CAPN2: variants seen among roughly 807,000 people sequenced by gnomAD.
CAPN2 encodes the protein calpain-2 catalytic subunit.
CAPN2 carries 92 observed loss-of-function variants against 102.3 expected under a neutral mutation model. The observed-to-expected ratio is 0.90, with a 90% CI of 0.76 to 1.07. The LOEUF (loss-of-function observed/expected upper bound fraction) is 1.07. Ranked by LOEUF, CAPN2 falls within the 50% of genes least tolerant of loss-of-function variation. The pLI, the probability that CAPN2 is intolerant of heterozygous loss-of-function variation, is 0.00. For synonymous variants in CAPN2, 340 were observed against 355.4 expected (o/e 0.96, Z 0.49); for missense variants, 800 against 909.4 (o/e 0.88, Z 1.55).
rs1472269301 is a variant in CAPN2, at chr1:223,752,868, C to T, written c.1047C>T (p.Thr349=). 1 of 1,614,124 alleles carries T rather than the reference C, an allele frequency of 6.2e-7. No individual in the cohort carries two copies. Among genetic ancestry groups the T allele is most frequent in the South Asian group, 1.1e-5 (1 of 91,080 alleles). ...GTAACCTGACCCCAGACACTCTCAC[C>T]AGCGATACCTACAAGAAGTGGAAAC... The part of the protein sequence containing the change: ...EICNLTPDTL[T]SDTYKKWKLT... The change falls in exon 9 of 21, where the codon ACC becomes ACT. Residue 349 remains threonine (T), a synonymous_variant. Coordinates refer to ENST00000295006, the MANE Select transcript of CAPN2 (RefSeq NM_001748.5).
rs754663998 is a variant in CAPN2 at position 223,744,159 on chromosome 1, C to A, written c.367C>A (p.Arg123=). 2.0e-5 allele frequency: 33 copies of A among 1,613,998 alleles called. 1 individual carries two copies. Among genetic ancestry groups the A allele is most frequent in the South Asian group, 1.2e-4 (11 of 91,086 alleles). Residue 123 remains arginine (R), a synonymous_variant, in exon 3 of 21, where the codon CGA becomes AGA. Transcript: ENST00000295006. ...CACCTTGAATGAAGAAATCCTGGCT[C>A]GAGTCGTCCCCCTAAACCAGAGCTT... ...SLTLNEEILA[R]VVPLNQSFQE...
chr1:223,765,106 G>C (rs1291393122), intron 15 of CAPN2, among the ~76,000 whole-genome samples: 1 of 152,246 alleles, frequency 6.6e-6, no homozygotes, highest in Non-Finnish European at 1.5e-5. Context: ...ATCTGCATCA[G>C]AGACAAATGC....
intron 15 of CAPN2, 57 bp from the exon 16 acceptor site, chr1:223,766,310 T>A: frequency 1.6e-6 from 2 of 1,280,070 alleles, no homozygotes; most frequent in Non-Finnish European, 2.3e-6. Flanking sequence ...TTGTGGAAAG[T>A]TCAGTTGGAC....
At chr1:223,763,917 C>T (rs928323971) in intron 14 of CAPN2, among the ~76,000 whole-genome samples, 2 of 152,114 alleles carry the variant, frequency 1.3e-5, no homozygotes, top group African/African-American at 4.8e-5. Context: ...TCCAGCCCAG[C>T]CTGGGTGTTC....
At chr1:223,743,556 A>G (rs1331259949) in intron 2 of CAPN2, among the ~76,000 whole-genome samples, 1 of 152,122 alleles carries the variant, frequency 6.6e-6, no homozygotes, top group Non-Finnish European at 1.5e-5. Flanking sequence ...CAGTGGTGCA[A>G]TCATGGCTCA....
At chr1:223,743,978 A>G in intron 2 of CAPN2, 122 bp from the exon 3 acceptor site, 2 of 715,828 alleles carry the variant, frequency 2.8e-6, no homozygotes, top group Non-Finnish European at 5.0e-6. Context: ...ACTGCCTGAA[A>G]CTTCACTCTG....
chr1:223,772,269 A>G, intron 20 of CAPN2, 30 bp downstream of exon 20: 1 of 1,600,900 alleles, frequency 6.2e-7, no homozygotes, highest in Non-Finnish European at 8.6e-7. Context: ...CTTGCTTCTA[A>G]GGGGATGGGG....
rs767017868 is a variant in CAPN2 at position 223,712,696 on chromosome 1, G to T, written c.56G>T (p.Gly19Val). The T allele has an allele frequency of 6.4e-7, 1 of 1,573,922 alleles. No homozygotes were observed. The highest frequency in any genetic ancestry group is 8.6e-7 in the Non-Finnish European group (1 of 1,162,782). The stretch of plus-strand genomic sequence containing the variant: ...GACCGGGAGGCGGCCGAGGGGCTGG[G>T]CTCCCACGACAGGGCCATCAAGTAC... The part of the protein sequence containing the change: ...AKDREAAEGL[G>V]SHDRAIKYLN... Residue 19 changes from glycine (G) to valine (V), a missense_variant, in exon 1 of 21, where the codon GGC (glycine) becomes GTC (valine). Physicochemically the swap from Gly to Val is moderately radical, Grantham distance 109. Coordinates refer to ENST00000295006, the MANE Select transcript of CAPN2 (RefSeq NM_001748.5).
rs1660327234 is a variant in CAPN2 at position 223,731,254 on chromosome 1, A to G, written c.308-12846A>G. Among the ~76,000 whole-genome samples the G allele has an allele frequency of 6.6e-6, 1 of 152,144 alleles. No individual in the cohort carries two copies. The highest frequency in any genetic ancestry group is 2.1e-4 in the South Asian group (1 of 4,826). ...TGCAGAAGGGGAAAGGAAGAGAAGG[A>G]AGTTTGGCTTAAATTCCCTTAGGAG... On this transcript the variant is annotated intron_variant, in intron 2 of 20. Coordinates refer to ENST00000295006, the MANE Select transcript of CAPN2 (RefSeq NM_001748.5). The surrounding 1 kb of genome is among the most constrained non-coding windows in gnomAD (Gnocchi z 4.2).
chr1:223,775,002 T>C lies in CAPN2; in HGVS notation c.*145T>C. 8 of 708,316 alleles carry C rather than the reference T, an allele frequency of 1.1e-5. No individual in the cohort carries two copies. The highest frequency in any genetic ancestry group is 2.0e-5 in the Non-Finnish European group (8 of 409,270). The allele number at this position is 708,316 out of a possible 1,614,324, so 43.9% of individuals were successfully genotyped here. ...TGATCATAGCTGAAAATAATGATAC[T>C]GTCAATTTGAGATAGCAGAAGTTTC... On this transcript the variant is annotated 3_prime_UTR_variant, in exon 21 of 21. Transcript: ENST00000295006.
chr1:223,712,415 G>C (rs1659752020), upstream of CAPN2: 5 of 1,074,648 alleles, frequency 4.7e-6, no homozygotes, highest in Non-Finnish European at 5.6e-6. Flanking sequence ...CCCGGCGCTC[G>C]GCAGGCCGCA....
chr1:223,705,789 A>G (rs1659591248), intron 1 of CAPN2, among the ~76,000 whole-genome samples: 2 of 152,226 alleles, frequency 1.3e-5, no homozygotes, highest in South Asian at 4.1e-4. Flanking sequence ...TGCCTGTAGA[A>G]GAAAGGGGCC....
intron 7 of CAPN2, 89 bp downstream of exon 7, chr1:223,751,064 A>T: frequency 8.8e-7 from 1 of 1,142,002 alleles, no homozygotes. Flanking sequence ...AGACATGTGC[A>T]TTATTCTGAG....
rs540037619 is a variant in CAPN2 at position 223,722,866 on chromosome 1, C to T, written c.307+5035C>T. Among the ~76,000 whole-genome samples the T allele has an allele frequency of 5.3e-5, 8 of 152,248 alleles. No homozygotes were observed. In the East Asian group the frequency reaches 5.8e-4, roughly 11 times the overall value. Reference sequence around the variant, plus strand: ...TTCCCCTAAGGTTCTTTCTCTATTCCGGGATCCCATCCAGGACCCCACGTT... The same window carrying T: ...TTCCCCTAAGGTTCTTTCTCTATTCTGGGATCCCATCCAGGACCCCACGTT... On this transcript the variant is annotated intron_variant, in intron 2 of 20. Transcript: ENST00000295006.
At chr1:223,737,706 GC>G (rs375136591) in intron 2 of CAPN2, among the ~76,000 whole-genome samples, 1,260 of 25,658 alleles carry the variant, frequency 0.049, 87 homozygotes, top group Non-Finnish European at 0.076. Context: ...AAGAGACGGG[GC>G]GGGGGGTGGG....
At chr1:223,741,468 A>ATATTTT (rs71166282) in intron 2 of CAPN2, among the ~76,000 whole-genome samples, 36 of 138,356 alleles carry the variant, frequency 2.6e-4, no homozygotes, top group Non-Finnish European at 2.6e-4. Context: ...ATATATATAT[A>ATATTTT]TTTGAGAGGG....
chr1:223,771,927 T>TA lies in CAPN2; in HGVS notation c.2020+4dup. Reference sequence around the variant, plus strand: ...TGGTTCGGCTGGAAACGCTATTCAGTAAGTGGATATTTGGGGAATGACTCA... The same window carrying TA: ...TGGTTCGGCTGGAAACGCTATTCAGTAAAGTGGATATTTGGGGAATGACTCA... On this transcript the variant is annotated splice_region_variant and intron_variant, in intron 19 of 20. Coordinates refer to ENST00000295006, the MANE Select transcript of CAPN2 (RefSeq NM_001748.5). The TA allele has an allele frequency of 6.3e-7, 1 of 1,591,848 alleles. No individual in the cohort carries two copies. The highest frequency in any genetic ancestry group is 1.1e-5 in the South Asian group (1 of 90,612).
chr1:223,750,958 A>G lies in CAPN2; in HGVS notation c.882A>G (p.Thr294=), dbSNP rs200144173. Residue 294 remains threonine, a synonymous_variant, in exon 7 of 21, where the codon ACA becomes ACG. Coordinates refer to ENST00000295006, the MANE Select transcript of CAPN2 (RefSeq NM_001748.5). ...ATCCCTGGGGAGAAGTGGAGTGGAC[A>G]GGGCGGTGGAATGACAAGTGAGGAG... ...IRNPWGEVEW[T]GRWNDNCPSW... is the part of the protein sequence containing the mutation. 19 of 1,552,044 alleles carry G rather than the reference A, an allele frequency of 1.2e-5. No homozygotes were observed. The highest frequency in any genetic ancestry group is 4.4e-6 in the Non-Finnish European group (5 of 1,147,198).
chr1:223,764,611 A>G (rs932368875), intron 15 of CAPN2, among the ~76,000 whole-genome samples: 10 of 152,192 alleles, frequency 6.6e-5, no homozygotes, highest in African/African-American at 1.9e-4. Context: ...GTGCCACCAC[A>G]GCCAGCTGAC....
Sources: gnomAD v4.1 joint callset for allele counts (sites outside exome capture counted in the v4.1 genomes callset) on GRCh38, gnomAD v4.1.1 for gene constraint, Gnocchi (gnomAD v3.1) non-coding constraint, MANE v1.5 for transcripts, NCBI Gene and HGNC (gene_info 2026-07-23, HGNC 2026-07-21) for gene names.